The following CRADD variants were observed in gnomAD, a reference collection of about 807,000 sequenced individuals.
The protein encoded by CRADD is CARD and death domain containing adaptor protein, also known as death domain-containing protein CRADD.
In CRADD, 9 loss-of-function variants were observed where a neutral mutation model predicts 15.5. The ratio of observed to expected loss-of-function variants is 0.58; its 90% CI spans 0.35 to 1.01. The LOEUF is 1.01. CRADD is among the 50% of genes least tolerant of loss of function. CRADD has a pLI of 0.02. For synonymous variants in CRADD, 118 were observed against 107.6 expected (o/e 1.10, Z -0.60); for missense variants, 227 against 250.3 (o/e 0.91, Z 0.63).
At chr12:93,826,912 C>G (rs936714372) in intron 2 of CRADD, 1 of 152,066 alleles carries the variant, frequency 6.6e-6, no homozygotes, top group Non-Finnish European at 1.5e-5. Context: ...AATGACTCAA[C>G]CTAATAATTA....
chr12:93,863,597 TGTGTGTG>T (rs1346646958), intron 2 of CRADD, among the ~76,000 whole-genome samples: 3 of 8,820 alleles, frequency 3.4e-4, no homozygotes, highest in East Asian at 3.1e-3. Context: ...TGGAGGCATT[TGTGTGTG>T]TGTGTGTGTG....
chr12:93,725,240 G>C (rs1956338225), intron 2 of CRADD, among the ~76,000 whole-genome samples: 1 of 151,962 alleles, frequency 6.6e-6, no homozygotes, highest in Non-Finnish European at 1.5e-5. Context: ...CTTTTTACCA[G>C]TGGTCCAGTA....
chr12:93,717,355 G>A (rs1235102174), intron 2 of CRADD, among the ~76,000 whole-genome samples: 1 of 152,080 alleles, frequency 6.6e-6, no homozygotes, highest in Non-Finnish European at 1.5e-5. Flanking sequence ...CTTTCACAGA[G>A]CACACTTTTT....
intron 2 of CRADD, among the ~76,000 whole-genome samples, chr12:93,725,968 A>G (rs1374300141): frequency 1.3e-5 from 2 of 152,174 alleles, no homozygotes; most frequent in African/African-American, 4.8e-5. Context: ...CTGTATTCAA[A>G]CCCAGGGCTG....
At chr12:93,789,204 A>G (rs1285326347) in intron 2 of CRADD, among the ~76,000 whole-genome samples, 3 of 151,838 alleles carry the variant, frequency 2.0e-5, no homozygotes, top group African/African-American at 4.8e-5. Context: ...TTTCTCCCCA[A>G]GCAGAGGCTA....
intron 2 of CRADD, among the ~76,000 whole-genome samples, chr12:93,759,485 C>T (rs188031307): frequency 1.3e-5 from 2 of 151,988 alleles, no homozygotes; most frequent in Admixed American, 1.3e-4. Context: ...TTTTTCTCAC[C>T]GGTTCTCTTC....
intron 2 of CRADD, among the ~76,000 whole-genome samples, chr12:93,782,466 C>T (rs1241840554): frequency 1.3e-5 from 2 of 151,770 alleles, no homozygotes; most frequent in Non-Finnish European, 2.9e-5. Context: ...ACATTGTGCA[C>T]ATGTACCTTA....
intron 2 of CRADD, among the ~76,000 whole-genome samples, chr12:93,883,153 A>G (rs1031168342): frequency 2.0e-5 from 3 of 152,188 alleles, no homozygotes; most frequent in East Asian, 1.9e-4. Flanking sequence ...AGACGAGATC[A>G]CTCTATCATA....
chr12:93,852,542 C>T (rs1486592242), downstream of CRADD, among the ~76,000 whole-genome samples: 1 of 152,210 alleles, frequency 6.6e-6, no homozygotes, highest in Non-Finnish European at 1.5e-5. Flanking sequence ...GGCCTGCTCA[C>T]GTGCTTGCAG....
chr12:93,690,647 T>C (rs902138798), intron 2 of CRADD, among the ~76,000 whole-genome samples: 1 of 152,254 alleles, frequency 6.6e-6, no homozygotes, highest in African/African-American at 2.4e-5. Context: ...TGTTATCATT[T>C]GCATTTCACA....
chr12:93,837,511 ACC>A (rs1252400409), intron 2 of CRADD: 4 of 151,718 alleles, frequency 2.6e-5, no homozygotes, highest in African/African-American at 9.7e-5. Flanking sequence ...CAGGTGATCC[ACC>A]CGCCTCGGCC....
intron 2 of CRADD, among the ~76,000 whole-genome samples, chr12:93,713,907 A>G (rs1956117935): frequency 6.6e-6 from 1 of 152,208 alleles, no homozygotes; most frequent in South Asian, 2.1e-4. Context: ...TTAAAATTAT[A>G]TATGTGACTG....
intron 2 of CRADD, among the ~76,000 whole-genome samples, chr12:93,835,818 A>G (rs1957966777): frequency 6.6e-6 from 1 of 152,114 alleles, no homozygotes; most frequent in Non-Finnish European, 1.5e-5. Context: ...CTCACTTGCC[A>G]TGCTGTTTCA....
At chr12:93,788,541 G>T (rs1039245555) in intron 2 of CRADD, among the ~76,000 whole-genome samples, 3 of 152,160 alleles carry the variant, frequency 2.0e-5, no homozygotes, top group African/African-American at 7.2e-5. Flanking sequence ...ACCCTTGTTA[G>T]AATGATGTTC....
chr12:93,864,829 G>A (rs756987287), intron 2 of CRADD, among the ~76,000 whole-genome samples: 3 of 152,196 alleles, frequency 2.0e-5, no homozygotes, highest in Non-Finnish European at 4.4e-5. Flanking sequence ...TCTTATGCAA[G>A]TTATGTAACT....
chr12:93,860,679 C>G (rs1958313354), intron 2 of CRADD, among the ~76,000 whole-genome samples: 1 of 152,030 alleles, frequency 6.6e-6, no homozygotes, highest in African/African-American at 2.4e-5. Context: ...ATGGGAAAAC[C>G]CTGAGATGGG....
intron 2 of CRADD, among the ~76,000 whole-genome samples, chr12:93,797,663 T>G (rs1957434034): frequency 6.6e-6 from 1 of 152,186 alleles, no homozygotes; most frequent in African/African-American, 2.4e-5. Context: ...CCGCAATAGG[T>G]AACTCAACTG....
intron 2 of CRADD, among the ~76,000 whole-genome samples, chr12:93,681,583 A>T (rs1337481357): frequency 6.6e-6 from 1 of 152,228 alleles, no homozygotes; most frequent in Admixed American, 6.5e-5. Context: ...TGACTATTTT[A>T]AATAATATTA....
At chr12:93,782,068 C>T (rs1174709375) in intron 2 of CRADD, among the ~76,000 whole-genome samples, 1 of 151,932 alleles carries the variant, frequency 6.6e-6, no homozygotes, top group Admixed American at 6.6e-5. Flanking sequence ...GCACTATTCA[C>T]AATAGCAAAG....
Sources: gnomAD v4.1 joint callset for allele counts (sites outside exome capture counted in the v4.1 genomes callset) on GRCh38, gnomAD v4.1.1 for gene constraint, MANE v1.5 for transcripts, NCBI Gene and HGNC (gene_info 2026-07-23, HGNC 2026-07-21) for gene names.